KLHL7: variants seen among roughly 807,000 people sequenced by gnomAD.
KLHL7 encodes kelch like family member 7.
A neutral mutation model predicts 67.4 loss-of-function variants in KLHL7; 44 were observed. The observed-to-expected ratio is 0.65, with a 90% CI of 0.51 to 0.84. KLHL7 has a LOEUF of 0.84. KLHL7 is among the 40% of genes least tolerant of loss of function. The pLI, the probability that KLHL7 is intolerant of heterozygous loss-of-function variation, is 0.00. For missense variants in KLHL7, 362 were observed against 718.1 expected (o/e 0.50, Z 5.67); for synonymous variants, 252 against 243.3 (o/e 1.04, Z -0.33).
intron 4 of KLHL7, among the ~76,000 whole-genome samples, chr7:23,126,278 C>T (rs1268764155): frequency 6.6e-6 from 1 of 152,132 alleles, no homozygotes; most frequent in Non-Finnish European, 1.5e-5. Context: ...CAGAACAGCA[C>T]ACAATTTCAA....
At chr7:23,112,629 G>A (rs1198062912) in intron 1 of KLHL7, among the ~76,000 whole-genome samples, 1 of 152,178 alleles carries the variant, frequency 6.6e-6, no homozygotes, top group East Asian at 1.9e-4. Flanking sequence ...GTATTCACAG[G>A]AGGACTGCAA....
At chr7:23,155,524 C>T (rs1283511365) in intron 7 of KLHL7, among the ~76,000 whole-genome samples, 6 of 151,692 alleles carry the variant, frequency 4.0e-5, no homozygotes, top group Admixed American at 6.6e-5. Flanking sequence ...ATTAGCCAGG[C>T]GTCGTGGCAG....
At chr7:23,161,408 AT>A (rs1414692003) in intron 7 of KLHL7, among the ~76,000 whole-genome samples, 2 of 152,200 alleles carry the variant, frequency 1.3e-5, no homozygotes, top group African/African-American at 4.8e-5. Context: ...CATCAAACAC[AT>A]TTAGTTGATT....
At position 23,129,562 on chromosome 7, in the gene KLHL7, A is replaced by G. The variant is rs544921051; in HGVS notation, c.442+4390A>G. The G allele has an allele frequency of 1.8e-5, 4 of 220,000 alleles. No individual in the cohort carries two copies. In the East Asian group the frequency reaches 5.6e-4, roughly 31 times the overall value. The allele number at this position is 220,000 out of a possible 1,614,324, so 13.6% of individuals were successfully genotyped here. On this transcript the variant is annotated intron_variant, in intron 4 of 10. Transcript: ENST00000339077. Reference sequence around the variant, plus strand: ...ACACTTCACTGCTTGCTGTTCATCTAGCTAGTGGCCGAGTCGACTACATTG... The same window carrying G: ...ACACTTCACTGCTTGCTGTTCATCTGGCTAGTGGCCGAGTCGACTACATTG...
chr7:23,134,145 G>GT (rs1034735886), intron 4 of KLHL7, among the ~76,000 whole-genome samples: 2 of 151,874 alleles, frequency 1.3e-5, no homozygotes, highest in African/African-American at 4.8e-5. Flanking sequence ...GTTTTTTTTA[G>GT]TTTTTTATTA....
Position 23,106,006 on chromosome 7 carries a change from C to G in KLHL7, c.-21C>G. 1 of 1,607,462 alleles carries G rather than the reference C, an allele frequency of 6.2e-7. No homozygotes were observed. Among genetic ancestry groups the G allele is most frequent in the South Asian group, 1.1e-5 (1 of 89,724 alleles). On this transcript the variant is annotated 5_prime_UTR_variant, in exon 1 of 11. Coordinates refer to ENST00000339077, the MANE Select transcript of KLHL7 (RefSeq NM_001031710.3). ...CTCGCCCGGCCCGGCGAGCCCCGGG[C>G]GTGAACCGAGCTGAGGGAGGATGGC...
At chr7:23,149,963 C>A (rs1468403406) in intron 6 of KLHL7, among the ~76,000 whole-genome samples, 1 of 152,120 alleles carries the variant, frequency 6.6e-6, no homozygotes, top group Non-Finnish European at 1.5e-5. Context: ...AATAAAGACC[C>A]AACATAGCCT....
At chr7:23,152,913 C>T (rs1009414630) in intron 7 of KLHL7, among the ~76,000 whole-genome samples, 2 of 152,206 alleles carry the variant, frequency 1.3e-5, no homozygotes, top group Non-Finnish European at 2.9e-5. Context: ...GCAAATACCA[C>T]ATCCTAAAGG....
At position 23,106,403 on chromosome 7, in the gene KLHL7, T is replaced by A. The variant is rs1298637602; in HGVS notation, c.120+257T>A. The A allele has an allele frequency of 6.0e-6, 8 of 1,325,338 alleles. No individual in the cohort carries two copies. The Admixed American group carries it at 2.5e-4, about 42-fold the overall frequency. The allele number at this position is 1,325,338 out of a possible 1,614,324, so 82.1% of individuals were successfully genotyped here. On this transcript the variant is annotated intron_variant, in intron 1 of 10. Transcript: ENST00000339077. ...CCTGGGGGACTCCTCAGGCTGGCTTTCGCCGTCGGGTATCGGTTGTGTAAC... is the reference window on the plus strand; with the variant it reads ...CCTGGGGGACTCCTCAGGCTGGCTTACGCCGTCGGGTATCGGTTGTGTAAC...
intron 4 of KLHL7, among the ~76,000 whole-genome samples, chr7:23,139,199 T>C (rs1482680536): frequency 6.6e-6 from 1 of 152,144 alleles, no homozygotes; most frequent in Non-Finnish European, 1.5e-5. Flanking sequence ...TTTCTTCAGT[T>C]TTGCTATAAA....
intron 7 of KLHL7, among the ~76,000 whole-genome samples, chr7:23,165,375 T>C (rs1371312971): frequency 6.6e-6 from 1 of 152,174 alleles, no homozygotes. Context: ...ACAACTTATT[T>C]TAGAATCTTC....
chr7:23,135,950 G>A (rs1456244684), intron 4 of KLHL7, among the ~76,000 whole-genome samples: 1 of 152,190 alleles, frequency 6.6e-6, no homozygotes, highest in Non-Finnish European at 1.5e-5. Flanking sequence ...CTGTGGCCGT[G>A]TGACTTGCTA....
rs568763890 is a variant in KLHL7 at position 23,110,209 on chromosome 7, A to G, written c.120+4063A>G. 3.9e-5 allele frequency among the ~76,000 whole-genome samples: 6 copies of G among 152,330 alleles called. No homozygotes were observed. The South Asian group carries it at 1.0e-3, about 26-fold the overall frequency. On this transcript the variant is annotated intron_variant, in intron 1 of 10. Coordinates refer to ENST00000339077, the MANE Select transcript of KLHL7 (RefSeq NM_001031710.3). Reference sequence around the variant, plus strand: ...GCAGATCACCTTCTTTTGACACCATAGATAAATAGAAGTCATTAGTCTAGA... The same window carrying G: ...GCAGATCACCTTCTTTTGACACCATGGATAAATAGAAGTCATTAGTCTAGA...
At chr7:23,146,550 C>G (rs1031936790) in intron 6 of KLHL7, among the ~76,000 whole-genome samples, 1 of 152,018 alleles carries the variant, frequency 6.6e-6, no homozygotes, top group Non-Finnish European at 1.5e-5. Context: ...CTAGTCTTTT[C>G]CTTTGTGATG....
At chr7:23,138,152 G>A (rs1784047639) in intron 4 of KLHL7, among the ~76,000 whole-genome samples, 1 of 151,560 alleles carries the variant, frequency 6.6e-6, no homozygotes, top group Admixed American at 6.6e-5. Context: ...CTCAAGCCTG[G>A]GCAACAGACT....
At chr7:23,171,802 T>C (rs1390477206) in intron 9 of KLHL7, among the ~76,000 whole-genome samples, 4 of 152,176 alleles carry the variant, frequency 2.6e-5, no homozygotes, top group South Asian at 2.1e-4. Context: ...CTCCGCCTCC[T>C]GGGTTCACGC....
At chr7:23,123,651 C>T (rs11982002) in intron 1 of KLHL7, 126 bp from the exon 2 acceptor site, 262,608 of 686,162 alleles carry the variant, frequency 0.38, 54,738 homozygotes, top group African/African-American at 0.72. Context: ...AGAAATTCTG[C>T]GCTGGAAAAA....
At chr7:23,165,568 A>G in intron 7 of KLHL7, 130 bp from the exon 8 acceptor site, 1 of 1,116,492 alleles carries the variant, frequency 9.0e-7, no homozygotes, top group Non-Finnish European at 1.3e-6. Flanking sequence ...AATAGTCTCA[A>G]GCCAAACATT....
chr7:23,121,258 T>G (rs1180402315), intron 1 of KLHL7, among the ~76,000 whole-genome samples: 1 of 152,186 alleles, frequency 6.6e-6, no homozygotes, highest in Admixed American at 6.5e-5. Context: ...CTAGGTTGAC[T>G]CTATATCTTG....
Sources: allele counts gnomAD v4.1 joint callset (sites outside exome capture counted in the v4.1 genomes callset), GRCh38; gene constraint gnomAD v4.1.1; transcripts MANE v1.5; gene names NCBI Gene and HGNC (gene_info 2026-07-23, HGNC 2026-07-21).